Variants in ATP6V0A2 observed in about 807,000 individuals in gnomAD.
ATP6V0A2 encodes the protein ATPase H+ transporting V0 subunit a2.
A neutral mutation model predicts 104.4 loss-of-function variants in ATP6V0A2; 58 were observed. The observed-to-expected ratio is 0.56, with a 90% CI of 0.45 to 0.69. The LOEUF (loss-of-function observed/expected upper bound fraction) is 0.69. Among genes scored for constraint, ATP6V0A2 ranks in the 30% least tolerant of loss-of-function variants. The probability of loss-of-function intolerance (pLI) is 0.00; values close to 1 mark genes in which losing one functional copy is unlikely to be tolerated. For missense variants in ATP6V0A2, 938 were observed against 1,062.9 expected, an observed-to-expected ratio of 0.88 and a Z score of 1.63; for synonymous variants, 376 against 397.9, an observed-to-expected ratio of 0.95 and a Z score of 0.65.
chr12:123,742,836 TA>T (rs55952758), intron 9 of ATP6V0A2, among the ~76,000 whole-genome samples: 428 of 142,446 alleles, frequency 3.0e-3, no homozygotes, highest in Middle Eastern at 3.6e-3. Flanking sequence ...ACTCCTTCTT[TA>T]AAAAAAAAAA....
intron 2 of ATP6V0A2, among the ~76,000 whole-genome samples, chr12:123,719,908 A>G (rs2135881589): frequency 6.6e-6 from 1 of 152,310 alleles, no homozygotes; most frequent in South Asian, 2.1e-4. Flanking sequence ...ACAAGGTGAT[A>G]CATGGCAAAG....
At chr12:123,752,262 C>T in intron 16 of ATP6V0A2, 21 bp from the exon 17 acceptor site, 1 of 1,613,982 alleles carries the variant, frequency 6.2e-7, no homozygotes, top group Non-Finnish European at 8.5e-7. Context: ...GGCACTGACT[C>T]TGTGCTCTTT....
At chr12:123,718,726 A>G (rs761804560) in intron 2 of ATP6V0A2, 25 bp downstream of exon 2, 3 of 1,534,172 alleles carry the variant, frequency 2.0e-6, no homozygotes, top group Non-Finnish European at 2.7e-6. Flanking sequence ...TGATTTAACA[A>G]CTTAAATAAT....
At chr12:123,728,195 G>A (rs981272398) in intron 6 of ATP6V0A2, among the ~76,000 whole-genome samples, 1 of 152,184 alleles carries the variant, frequency 6.6e-6, no homozygotes, top group Admixed American at 6.6e-5. Context: ...TCAAAGCAAA[G>A]AATGTAATTT....
intron 3 of ATP6V0A2, chr12:123,723,915 T>C (rs1321200419): frequency 6.6e-6 from 1 of 152,046 alleles, no homozygotes; most frequent in African/African-American, 2.4e-5. Flanking sequence ...GAGTCTTTGA[T>C]GTGTGATATG....
In ATP6V0A2 at chr12:123,744,440, T is replaced by G; in HGVS notation, c.1326+103T>G. On this transcript the variant is annotated intron_variant, in intron 11 of 19. Coordinates refer to ENST00000330342, the MANE Select transcript of ATP6V0A2 (RefSeq NM_012463.4). The surrounding 1 kb of genome is among the most constrained non-coding windows in gnomAD (Gnocchi z 5.4). ...TGTTTGCTGTAGGCTGCGGCTGTGC[T>G]GGGCAGGTGTGTGGCCTGTCAGCTG... 1 of 1,575,328 alleles carries G rather than the reference T, an allele frequency of 6.3e-7. No individual in the cohort carries two copies. The highest frequency in any genetic ancestry group is 8.7e-7 in the Non-Finnish European group (1 of 1,148,690).
chr12:123,712,404 G>A lies in ATP6V0A2; in HGVS notation c.-162G>A. 2.6e-6 allele frequency: 1 copy of A among 386,532 alleles called. No individual in the cohort carries two copies. Among genetic ancestry groups the A allele is most frequent in the Non-Finnish European group, 4.5e-6 (1 of 223,374 alleles). 23.9% of individuals were successfully genotyped at this position (386,532 alleles called of 1,614,324 possible). The stretch of plus-strand genomic sequence containing the variant: ...AGCTGGAGCGGCGGCCGCGGTGGCA[G>A]AACCGGGGGCGGCCGCTGCAGTCTG... On this transcript the variant is annotated 5_prime_UTR_variant, in exon 1 of 20. Coordinates refer to ENST00000330342, the MANE Select transcript of ATP6V0A2 (RefSeq NM_012463.4).
Position 123,752,298 on chromosome 12 carries a change from A to C in ATP6V0A2, c.2071A>C (p.Ile691Leu). Residue 691 changes from isoleucine to leucine, a missense_variant, in exon 17 of 20, where the codon ATA becomes CTA. Physicochemically the swap from Ile to Leu is conservative, Grantham distance 5. Transcript: ENST00000330342. ...TGGTTGTTAGAGTGGCTACACACTT[A>C]TAAGGAAAGATAGTGAGGAAGAAGT... ...FGVNRSGYTL[I>L]RKDSEEEVSL... 6.2e-7 allele frequency: 1 copy of C among 1,614,206 alleles called. No homozygotes were observed. Among genetic ancestry groups the C allele is most frequent in the Non-Finnish European group, 8.5e-7 (1 of 1,180,028 alleles).
chr12:123,759,039 G>A lies in ATP6V0A2; in HGVS notation c.*1007G>A, dbSNP rs1386576006. 1.3e-5 allele frequency: 2 copies of A among 152,544 alleles called. No individual in the cohort carries two copies. The highest frequency in any genetic ancestry group is 2.9e-5 in the Non-Finnish European group (2 of 68,028). 9.4% of individuals were successfully genotyped at this position (152,544 alleles called of 1,614,324 possible). ...ATGTTTGGAAGATAAATTGTATGCT[G>A]AGCCTTAAAACCCAGTGTGACTGTA... On this transcript the variant is annotated 3_prime_UTR_variant, in exon 20 of 20. Transcript: ENST00000330342.
Position 123,743,842 on chromosome 12 carries a change from C to A in ATP6V0A2, c.1096C>A (p.Pro366Thr). ...GAATATAATCCCCACAAAAGAAACA[C>A]CCCCCACTCGGATCCGCACCAACAA... ...FMNIIPTKET[P>T]PTRIRTNKFT... The change falls in exon 10 of 20, where the codon CCC (proline) becomes ACC (threonine). Residue 366 changes from proline (P) to threonine (T), a missense_variant. By Grantham distance (38) the Pro-to-Thr change is conservative (BLOSUM62 -1). Coordinates refer to ENST00000330342, the MANE Select transcript of ATP6V0A2 (RefSeq NM_012463.4). The A allele has an allele frequency of 6.2e-7, 1 of 1,613,938 alleles. No homozygotes were observed. The highest frequency in any genetic ancestry group is 8.5e-7 in the Non-Finnish European group (1 of 1,179,892).
intron 8 of ATP6V0A2, 151 bp from the exon 9 acceptor site, chr12:123,736,908 G>A (rs1213822739): frequency 1.3e-6 from 1 of 786,114 alleles, no homozygotes; most frequent in Non-Finnish European, 2.2e-6. Flanking sequence ...GAGAAGGAAG[G>A]AATGGCTCCC....
intron 9 of ATP6V0A2, 69 bp from the exon 10 acceptor site, chr12:123,743,716 T>C: frequency 6.3e-7 from 1 of 1,579,454 alleles, no homozygotes; most frequent in Non-Finnish European, 8.7e-7. Flanking sequence ...GTAACCCAGA[T>C]TCGTTGAATA....
chr12:123,732,521 T>TC (rs1334297370), intron 6 of ATP6V0A2: 3 of 152,318 alleles, frequency 2.0e-5, no homozygotes, highest in Non-Finnish European at 4.4e-5. Context: ...ACTACATCCC[T>TC]CCCCGGCGGT....
Position 123,718,634 on chromosome 12 carries a change from C to T in ATP6V0A2, c.129C>T (p.Asn43=), listed in dbSNP as rs1956367369. 7.4e-6 allele frequency: 12 copies of T among 1,611,322 alleles called. No homozygotes were observed. The East Asian group carries it at 1.6e-4, about 21-fold the overall frequency. ...CATCCTTTTCTCAGCTCAACCAGAACGTAAGTTCTTTCCAAAGAAAATTTG... is the reference window on the plus strand; with the variant it reads ...CATCCTTTTCTCAGCTCAACCAGAATGTAAGTTCTTTCCAAAGAAAATTTG... The part of the protein sequence containing the change: ...GLVQFRDLNQ[N]VSSFQRKFVG... The change falls in exon 2 of 20, where the codon AAC becomes AAT. Residue 43 remains asparagine, a synonymous_variant. Transcript: ENST00000330342.
intron 4 of ATP6V0A2, among the ~76,000 whole-genome samples, chr12:123,725,095 C>T (rs1363390495): frequency 1.3e-5 from 2 of 152,050 alleles, no homozygotes; most frequent in African/African-American, 4.8e-5. Context: ...GCCACCACGC[C>T]TGTAATTTTT....
At position 123,744,249 on chromosome 12, in the gene ATP6V0A2, G is replaced by C; in HGVS notation, c.1238G>C (p.Gly413Ala). 1.9e-6 allele frequency: 3 copies of C among 1,614,148 alleles called. No homozygotes were observed. Among genetic ancestry groups the C allele is most frequent in the Non-Finnish European group, 2.5e-6 (3 of 1,180,024 alleles). ...TFPFLFAVMF[G>A]DFGHGFVMFL... Reference sequence around the variant, plus strand: ...CCGTTTTTATTTGCTGTGATGTTTGGAGACTTCGGACATGGCTTTGTGATG... The same window carrying C: ...CCGTTTTTATTTGCTGTGATGTTTGCAGACTTCGGACATGGCTTTGTGATG... Residue 413 changes from glycine (G) to alanine (A), a missense_variant, in exon 11 of 20, where the codon GGA becomes GCA. Gly to Ala is a moderately conservative substitution (Grantham distance 60). Coordinates refer to ENST00000330342, the MANE Select transcript of ATP6V0A2 (RefSeq NM_012463.4). This position sits in a 1 kb window ranked among gnomAD's most constrained non-coding sequence, Gnocchi z 5.4.
chr12:123,735,616 C>G lies in ATP6V0A2; in HGVS notation c.817C>G (p.Leu273Val). 1 of 1,611,914 alleles carries G rather than the reference C, an allele frequency of 6.2e-7. No homozygotes were observed. Among genetic ancestry groups the G allele is most frequent in the Non-Finnish European group, 8.5e-7 (1 of 1,178,876 alleles). The change falls in exon 8 of 20, where the codon CTC (leucine) becomes GTC (valine). Residue 273 changes from leucine to valine, a missense_variant. By Grantham distance (32) the Leu-to-Val change is conservative (BLOSUM62 1). Coordinates refer to ENST00000330342, the MANE Select transcript of ATP6V0A2 (RefSeq NM_012463.4). The part of the protein sequence containing the change: ...QEGLNTRIQD[L>V]YTVLHKTEDY... ...GGGGCTGAACACCCGCATCCAGGATCTCTACACTGTGAGTAAGCTGGAAGT... is the reference window on the plus strand; with the variant it reads ...GGGGCTGAACACCCGCATCCAGGATGTCTACACTGTGAGTAAGCTGGAAGT...
intron 14 of ATP6V0A2, among the ~76,000 whole-genome samples, chr12:123,748,283 A>G (rs1191056347): frequency 6.6e-6 from 1 of 152,224 alleles, no homozygotes; most frequent in Non-Finnish European, 1.5e-5. Context: ...TTTTGGAGCC[A>G]GATTCACTAA....
At chr12:123,734,584 C>T (rs1956533200) in intron 7 of ATP6V0A2, among the ~76,000 whole-genome samples, 1 of 152,246 alleles carries the variant, frequency 6.6e-6, no homozygotes, top group South Asian at 2.1e-4. Context: ...ATCAGTTCGG[C>T]ATAAGCCATC....
Sources: gnomAD v4.1 joint callset for allele counts (sites outside exome capture counted in the v4.1 genomes callset) on GRCh38, gnomAD v4.1.1 for gene constraint, Gnocchi (gnomAD v3.1) non-coding constraint, MANE v1.5 for transcripts, NCBI Gene and HGNC (gene_info 2026-07-23, HGNC 2026-07-21) for gene names.